The following AAGAB variants were observed in gnomAD, a reference collection of about 807,000 sequenced individuals.
The protein encoded by AAGAB is alpha- and gamma-adaptin-binding protein p34.
AAGAB carries 38 observed loss-of-function variants against 44.1 expected under a neutral mutation model. The ratio of observed to expected loss-of-function variants is 0.86; its 90% CI spans 0.67 to 1.13. The LOEUF (loss-of-function observed/expected upper bound fraction) is 1.13, where lower values mean the gene tolerates loss of function less well. Ranked by LOEUF, AAGAB falls within the 50% of genes most tolerant of loss-of-function variation. AAGAB has a pLI of 0.00. For synonymous variants in AAGAB, 131 were observed against 131.8 expected (o/e 0.99, Z 0.04); for missense variants, 450 against 373.8 (o/e 1.20, Z -1.68).
Position 67,254,597 on chromosome 15 carries a change from C to G in AAGAB, c.35G>C (p.Ser12Thr), listed in dbSNP as rs527525799. 6 of 1,609,510 alleles carry G rather than the reference C, an allele frequency of 3.7e-6. No individual in the cohort carries two copies. The highest frequency in any genetic ancestry group is 5.1e-6 in the Non-Finnish European group (6 of 1,178,958). ...AAGVPCALVT[S>T]CSSVFSGDQL... ...GTCTCCTGAGAAGACGGAGGAGCAG[C>G]TGGTGACTAACGCACAGGGTACGCC... Residue 12 changes from serine (S) to threonine (T), a missense_variant, in exon 1 of 10, where the codon AGC (serine) becomes ACC (threonine). Transcript: ENST00000261880.
intron 1 of AAGAB, 107 bp downstream of exon 1, chr15:67,254,452 C>G (rs1194921782): frequency 6.8e-7 from 1 of 1,464,880 alleles, no homozygotes; most frequent in East Asian, 2.5e-5. Flanking sequence ...GGAGGAAGAA[C>G]GCAGGGCCCG....
At chr15:67,223,574 A>G (rs376426607) in intron 5 of AAGAB, among the ~76,000 whole-genome samples, 1 of 152,092 alleles carries the variant, frequency 6.6e-6, no homozygotes, top group Non-Finnish European at 1.5e-5. Flanking sequence ...CCCCAATCTG[A>G]GCCATCACTC....
chr15:67,238,644 T>A (rs997761973), intron 1 of AAGAB, among the ~76,000 whole-genome samples: 1 of 151,482 alleles, frequency 6.6e-6, no homozygotes, highest in African/African-American at 2.4e-5. Flanking sequence ...AGCAAAAAAA[T>A]GTATAAACTA....
intron 5 of AAGAB, among the ~76,000 whole-genome samples, chr15:67,212,772 C>T (rs1963854122): frequency 6.6e-6 from 1 of 152,180 alleles, no homozygotes. Context: ...TTTTATATAC[C>T]TATGGCTTTT....
intron 7 of AAGAB, among the ~76,000 whole-genome samples, chr15:67,207,567 A>G (rs1366403691): frequency 6.6e-6 from 1 of 152,232 alleles, no homozygotes; most frequent in African/African-American, 2.4e-5. Context: ...TAAAATATCT[A>G]TATATAAAAT....
At chr15:67,239,433 G>T (rs1964545363) in intron 1 of AAGAB, among the ~76,000 whole-genome samples, 1 of 152,158 alleles carries the variant, frequency 6.6e-6, no homozygotes, top group African/African-American at 2.4e-5. Flanking sequence ...TTAACATGGA[G>T]AAAGAAGCTG....
rs1964463487 is a variant in AAGAB, at chr15:67,236,337, A to C, written c.361+71T>G. ...TGGGATGTATGTCCTAAGTTAAAGA[A>C]ACAGATGTACTCTGTTTATCAAGGA... On this transcript the variant is annotated intron_variant, in intron 3 of 9. Transcript: ENST00000261880. The C allele has an allele frequency of 2.9e-6, 4 of 1,403,082 alleles. No individual in the cohort carries two copies. In the Admixed American group the frequency reaches 7.4e-5, roughly 26 times the overall value. The allele number at this position is 1,403,082 out of a possible 1,614,324, so 86.9% of individuals were successfully genotyped here. A position where few individuals can be genotyped will look rare whatever the true frequency, so the allele number is the denominator to read the frequency against.
intron 5 of AAGAB, among the ~76,000 whole-genome samples, chr15:67,225,261 T>C (rs917364484): frequency 6.6e-5 from 10 of 152,240 alleles, no homozygotes; most frequent in Non-Finnish European, 1.5e-4. Context: ...TTGTGAGGAT[T>C]AAATAAGATT....
intron 5 of AAGAB, among the ~76,000 whole-genome samples, chr15:67,222,240 G>GCACACACACACACACACA (rs1156310462): frequency 1.4e-4 from 12 of 88,192 alleles, no homozygotes; most frequent in East Asian, 3.8e-4. Context: ...ACGCGCGCGC[G>GCACACACACACACACACA]CGCACACACA....
At chr15:67,220,971 A>C (rs1171524529) in intron 5 of AAGAB, 1 of 152,242 alleles carries the variant, frequency 6.6e-6, no homozygotes, top group African/African-American at 2.4e-5. Context: ...TTTAAGATTT[A>C]GGGAATGTCT....
chr15:67,251,672 C>T (rs1239819416), intron 1 of AAGAB, among the ~76,000 whole-genome samples: 1 of 152,226 alleles, frequency 6.6e-6, no homozygotes, highest in Non-Finnish European at 1.5e-5. Flanking sequence ...CTAAAGGTTT[C>T]TCTCGCTGAT....
upstream of AAGAB, chr15:67,254,748 C>CCT: frequency 7.5e-7 from 1 of 1,337,864 alleles, no homozygotes; most frequent in East Asian, 2.5e-5. Flanking sequence ...ACCAGGCTGG[C>CCT]CTGACCCCGC....
chr15:67,246,598 G>C (rs575306419), intron 1 of AAGAB, among the ~76,000 whole-genome samples: 36 of 152,234 alleles, frequency 2.4e-4, no homozygotes, highest in Admixed American at 1.2e-3. Context: ...TTCCTGGGTC[G>C]AGTGGGGACT....
chr15:67,203,515 G>A (rs774390658), intron 9 of AAGAB, 33 bp downstream of exon 9: 5 of 1,594,168 alleles, frequency 3.1e-6, no homozygotes, highest in Non-Finnish European at 8.6e-7. Context: ...ACCTTTTATA[G>A]GTATTCAATA....
rs1963570944 is a variant in AAGAB, at chr15:67,201,569, C to T, written c.*1252G>A. 6.6e-6 allele frequency: 1 copy of T among 152,394 alleles called. No individual in the cohort carries two copies. Among genetic ancestry groups the T allele is most frequent in the Non-Finnish European group, 1.5e-5 (1 of 68,086 alleles). 9.4% of individuals were successfully genotyped at this position (152,394 alleles called of 1,614,324 possible). A position where few individuals can be genotyped will look rare whatever the true frequency, so the allele number is the denominator to read the frequency against. ...GAGCCCACCTAGGCCAGAACCAGTT[C>T]TCAGCTGGTGTGCGGGCACCTTCCA... is the stretch of plus-strand genomic sequence containing the variant. On this transcript the variant is annotated 3_prime_UTR_variant, in exon 10 of 10. Transcript: ENST00000261880.
chr15:67,236,319 T>C, intron 3 of AAGAB, 89 bp downstream of exon 3: 1 of 1,236,430 alleles, frequency 8.1e-7, no homozygotes, highest in Non-Finnish European at 1.2e-6. Context: ...ACATGGGATG[T>C]ATGTCCTAAG....
upstream of AAGAB, chr15:67,255,100 C>A: frequency 1.4e-6 from 1 of 720,874 alleles, no homozygotes. Context: ...CCCACCCAGA[C>A]CTTCCCCCAC....
chr15:67,219,688 C>G (rs957345042), intron 5 of AAGAB, among the ~76,000 whole-genome samples: 9 of 152,030 alleles, frequency 5.9e-5, no homozygotes, highest in African/African-American at 2.2e-4. Flanking sequence ...GATTGAAAAA[C>G]GATCTATGGG....
Position 67,209,545 on chromosome 15 carries a change from C to G in AAGAB, c.536-1G>C, listed in dbSNP as rs1257585937. The G allele has an allele frequency of 6.2e-7, 1 of 1,612,342 alleles. No individual in the cohort carries two copies. The highest frequency in any genetic ancestry group is 8.5e-7 in the Non-Finnish European group (1 of 1,178,600). On this transcript the variant is annotated splice_acceptor_variant, in intron 5 of 9. Transcript: ENST00000261880. LOFTEE classifies it high-confidence loss of function. ...AGAAGGCTAAAGCCTTGGTTCCTAT[C>G]TGAAAAGGAAAAATACACTTAGTGA...
Sources: gnomAD v4.1 joint callset for allele counts (sites outside exome capture counted in the v4.1 genomes callset) on GRCh38, gnomAD v4.1.1 for gene constraint, MANE v1.5 for transcripts, NCBI Gene and HGNC (gene_info 2026-07-23, HGNC 2026-07-21) for gene names.